GPR15LG: variants seen among roughly 807,000 people sequenced by gnomAD.
The protein encoded by GPR15LG is protein GPR15LG.
chr10:84,175,880 CT>C, the GPR15LG span, among the ~76,000 whole-genome samples: 2 of 151,410 alleles, frequency 1.3e-5, no homozygotes, highest in East Asian at 3.9e-4. Flanking sequence ...GGCTTTTTTT[CT>C]TTTTTTCTTT....
the GPR15LG span, among the ~76,000 whole-genome samples, chr10:84,178,391 A>G: frequency 1.3e-5 from 2 of 151,946 alleles, no homozygotes; most frequent in Admixed American, 1.3e-4. Flanking sequence ...ACAGACACAT[A>G]CACAAGTACA....
the GPR15LG span, among the ~76,000 whole-genome samples, chr10:84,180,189 G>C: frequency 6.6e-6 from 1 of 152,364 alleles, no homozygotes; most frequent in East Asian, 1.9e-4. Context: ...GAGAGCACAG[G>C]GTTGGGGGTA....
chr10:84,176,581 C>T, the GPR15LG span: 2 of 1,603,536 alleles, frequency 1.2e-6, no homozygotes, highest in Non-Finnish European at 8.5e-7. Context: ...TAAGTACCCC[C>T]ACCTCGTCCA....
the GPR15LG span, among the ~76,000 whole-genome samples, chr10:84,181,552 G>A: frequency 0.1 from 15,264 of 152,192 alleles, 988 homozygotes; most frequent in African/African-American, 0.18. Context: ...CTCCCCAGTA[G>A]CTGGGACTAC....
chr10:84,174,861 C>A, the GPR15LG span, among the ~76,000 whole-genome samples: 1 of 152,088 alleles, frequency 6.6e-6, no homozygotes, highest in African/African-American at 2.4e-5. Context: ...AAACTGCCTA[C>A]ATTTATTTTT....
At chr10:84,175,222 A>G in the GPR15LG span, among the ~76,000 whole-genome samples, 1 of 152,190 alleles carries the variant, frequency 6.6e-6, no homozygotes, top group Non-Finnish European at 1.5e-5. Context: ...TGTGCCACAT[A>G]TATAATAAGG....
the GPR15LG span, among the ~76,000 whole-genome samples, chr10:84,181,796 C>T: frequency 2.0e-5 from 3 of 152,320 alleles, no homozygotes; most frequent in East Asian, 1.9e-4. Context: ...AGCACTATCC[C>T]CAAGCCCAGG....
the GPR15LG span, chr10:84,174,000 G>T: frequency 1.4e-5 from 16 of 1,155,694 alleles, no homozygotes; most frequent in Admixed American, 1.9e-4. Context: ...TTGTTGGAGG[G>T]CAGGCCTTGG....
At chr10:84,182,984 C>T in the GPR15LG span, among the ~76,000 whole-genome samples, 1 of 151,070 alleles carries the variant, frequency 6.6e-6, no homozygotes, top group Admixed American at 6.6e-5. Flanking sequence ...CTATATATTA[C>T]TAGGATTATC....
At chr10:84,184,309 A>G in the GPR15LG span, among the ~76,000 whole-genome samples, 1 of 152,228 alleles carries the variant, frequency 6.6e-6, no homozygotes, top group Admixed American at 6.5e-5. Context: ...CTGGAAGGAG[A>G]CAGCCAGAGG....
At chr10:84,173,856 G>A in the GPR15LG span, 8 of 1,612,790 alleles carry the variant, frequency 5.0e-6, no homozygotes, top group African/African-American at 1.1e-4. Flanking sequence ...CTCACCATGA[G>A]GCTTCTAGTC....
At chr10:84,183,518 T>C in the GPR15LG span, among the ~76,000 whole-genome samples, 1 of 152,250 alleles carries the variant, frequency 6.6e-6, no homozygotes, top group South Asian at 2.1e-4. Flanking sequence ...ATCTCATTTT[T>C]TAATTTTTAA....
At chr10:84,176,606 A>T in the GPR15LG span, 1 of 1,470,898 alleles carries the variant, frequency 6.8e-7, no homozygotes, top group Non-Finnish European at 9.5e-7. Context: ...GTGGGGCAGA[A>T]GTTCTACAGT....
chr10:84,184,375 C>A, the GPR15LG span, among the ~76,000 whole-genome samples: 3 of 152,130 alleles, frequency 2.0e-5, no homozygotes, highest in Non-Finnish European at 4.4e-5. Flanking sequence ...TAGAAACAGG[C>A]CTCCCAGACC....
chr10:84,184,860 C>T, the GPR15LG span: 2 of 1,557,372 alleles, frequency 1.3e-6, no homozygotes, highest in South Asian at 1.2e-5. Context: ...GCCTTCACAG[C>T]AGTGAGCTGC....
the GPR15LG span, chr10:84,176,546 G>C: frequency 6.2e-7 from 1 of 1,613,956 alleles, no homozygotes; most frequent in African/African-American, 1.3e-5. Context: ...CGAGTCCCTA[G>C]CCCCAACTCA....
the GPR15LG span, among the ~76,000 whole-genome samples, chr10:84,179,514 C>T: frequency 6.6e-6 from 1 of 152,206 alleles, no homozygotes; most frequent in African/African-American, 2.4e-5. Flanking sequence ...GTAAGCAACG[C>T]CAGGATTGCT....
chr10:84,184,157 T>C, the GPR15LG span, among the ~76,000 whole-genome samples: 1 of 130,888 alleles, frequency 7.6e-6, no homozygotes, highest in Admixed American at 7.3e-5. Context: ...CCCATCTTTC[T>C]TGAAAAAAAA....
chr10:84,174,487 C>CTTTTTTTTTTTTTTTTTTTTTT, the GPR15LG span, among the ~76,000 whole-genome samples: 1 of 108,852 alleles, frequency 9.2e-6, no homozygotes, highest in African/African-American at 3.2e-5. Context: ...GCCCTTTTTT[C>CTTTTTTTTTTTTTTTTTTTTTT]TTTTTTCTTT....
Sources: gnomAD v4.1 joint callset for allele counts (sites outside exome capture counted in the v4.1 genomes callset) on GRCh38, gnomAD v4.1.1 for gene constraint, MANE v1.5 for transcripts, NCBI Gene and HGNC (gene_info 2026-07-23, HGNC 2026-07-21) for gene names.